Variants in MYOCD observed in about 807,000 individuals in gnomAD.
MYOCD encodes myocardin.
In MYOCD, 32 loss-of-function variants were observed where a neutral mutation model predicts 96.1. That is an observed-to-expected ratio of 0.33 (90% CI 0.25 to 0.45). The LOEUF is 0.45. Among genes scored for constraint, MYOCD ranks in the 20% least tolerant of loss-of-function variants. The pLI, the probability that MYOCD is intolerant of heterozygous loss-of-function variation, is 1.00. For missense variants in MYOCD, 1,133 were observed against 1,200.6 expected (o/e 0.94, Z 0.83); for synonymous variants, 469 against 469.0 (o/e 1.00, Z 0.00).
At chr17:12,680,247 A>T (rs1361301050) in intron 1 of MYOCD, among the ~76,000 whole-genome samples, 1 of 152,198 alleles carries the variant, frequency 6.6e-6, no homozygotes, top group Non-Finnish European at 1.5e-5. Flanking sequence ...TACTTAGTGG[A>T]TGCCCACGGT....
rs1164326786 is a variant in MYOCD, at chr17:12,764,798, CT to C, written c.*1155del. On this transcript the variant is annotated 3_prime_UTR_variant, in exon 14 of 14. Coordinates refer to ENST00000425538, the MANE Select transcript of MYOCD (RefSeq NM_001146312.3). ...TTCTCAGTTCTAACAAGCTGCCATA[CT>C]CCTAAGAAAGCCATTTTTGAAAAAT... 6.6e-6 allele frequency: 1 copy of C among 152,208 alleles called. No homozygotes were observed. The highest frequency in any genetic ancestry group is 2.4e-5 in the African/African-American group (1 of 41,458). 9.4% of individuals were successfully genotyped at this position (152,208 alleles called of 1,614,324 possible).
intron 1 of MYOCD, among the ~76,000 whole-genome samples, chr17:12,698,186 T>C (rs1366165232): frequency 4.6e-5 from 7 of 152,178 alleles, no homozygotes; most frequent in African/African-American, 1.7e-4. Flanking sequence ...GCGTAACATG[T>C]ATTGCAAGGA....
At chr17:12,757,720 C>T (rs2033052804) in intron 11 of MYOCD, among the ~76,000 whole-genome samples, 1 of 152,112 alleles carries the variant, frequency 6.6e-6, no homozygotes, top group African/African-American at 2.4e-5. Flanking sequence ...TCTCGAACTC[C>T]TGACCTCAGG....
chr17:12,689,043 T>G (rs1343205321), intron 1 of MYOCD, among the ~76,000 whole-genome samples: 1 of 152,204 alleles, frequency 6.6e-6, no homozygotes, highest in Admixed American at 6.5e-5. Flanking sequence ...AAACTTTGTT[T>G]TCCTATTCCC....
intron 1 of MYOCD, among the ~76,000 whole-genome samples, chr17:12,669,016 A>C (rs997427612): frequency 1.3e-5 from 2 of 152,190 alleles, no homozygotes; most frequent in African/African-American, 4.8e-5. Context: ...ATAAAGATTG[A>C]CTGGGAACAA....
At chr17:12,700,465 G>C (rs1023223440) in intron 1 of MYOCD, among the ~76,000 whole-genome samples, 61 of 129,358 alleles carry the variant, frequency 4.7e-4, no homozygotes, top group African/African-American at 1.8e-3. Flanking sequence ...GACTGCTGGA[G>C]TGCAGTGGCG....
intron 1 of MYOCD, among the ~76,000 whole-genome samples, chr17:12,671,333 G>A (rs534201812): frequency 1.2e-4 from 19 of 152,270 alleles, no homozygotes; most frequent in Non-Finnish European, 2.6e-4. Flanking sequence ...TTAGATGTGC[G>A]TTTGTGTGTA....
intron 1 of MYOCD, among the ~76,000 whole-genome samples, chr17:12,677,548 T>C (rs1218664594): frequency 6.6e-6 from 1 of 151,760 alleles, no homozygotes. Flanking sequence ...CCATCTCTAC[T>C]AAAAATACAA....
intron 3 of MYOCD, among the ~76,000 whole-genome samples, chr17:12,716,599 C>T (rs11654418): frequency 0.49 from 74,830 of 151,934 alleles, 20,789 homozygotes; most frequent in Non-Finnish European, 0.63. Context: ...AAGCGAATAA[C>T]GGGAAAGAGG....
chr17:12,752,940 A>C lies in MYOCD; in HGVS notation c.1652A>C (p.Lys551Thr). ...QVEELRMQLQ[K>T]QKRNNCSEKK... ...GAGGAGCTGAGGATGCAGCTTCAGA[A>C]GCAGAAAAGGAATAACTGTTCAGAG... The change falls in exon 10 of 14, where the codon AAG becomes ACG. Residue 551 changes from lysine (K) to threonine (T), a missense_variant. Transcript: ENST00000425538. The C allele has an allele frequency of 1.2e-6, 2 of 1,614,180 alleles. No individual in the cohort carries two copies. Among genetic ancestry groups the C allele is most frequent in the Middle Eastern group, 3.3e-4 (2 of 6,060 alleles).
chr17:12,669,625 T>G (rs1235980538), intron 1 of MYOCD, among the ~76,000 whole-genome samples: 1 of 149,560 alleles, frequency 6.7e-6, no homozygotes, highest in African/African-American at 2.5e-5. Flanking sequence ...TTTTTTGTTG[T>G]TTTTTTTTTC....
intron 5 of MYOCD, among the ~76,000 whole-genome samples, chr17:12,733,793 G>A (rs763667264): frequency 1.1e-4 from 17 of 151,760 alleles, no homozygotes; most frequent in African/African-American, 3.2e-4. Context: ...CTTAAACCTC[G>A]GAGGGGGAGT....
intron 12 of MYOCD, 125 bp from the exon 13 acceptor site, chr17:12,760,525 A>G: frequency 1.4e-6 from 1 of 740,508 alleles, no homozygotes. Context: ...GTATTTTGCC[A>G]CAATTGGAAA....
In MYOCD at chr17:12,736,320, C is replaced by T. The variant is rs747021728; in HGVS notation, c.575C>T (p.Ser192Phe). ...GCCTCAGATACCCCTTCGACAGGTTCTCTGGGGACAAACCAGGTAAAAAAC... is the reference window on the plus strand; with the variant it reads ...GCCTCAGATACCCCTTCGACAGGTTTTCTGGGGACAAACCAGGTAAAAAAC... The part of the protein sequence containing the change: ...AKASDTPSTG[S>F]LGTNQDLASG... Residue 192 changes from serine to phenylalanine, a missense_variant, in exon 6 of 14, where the codon TCT becomes TTT. Ser to Phe is a radical substitution (Grantham distance 155, BLOSUM62 -2). Transcript: ENST00000425538. 2 of 1,613,374 alleles carry T rather than the reference C, an allele frequency of 1.2e-6. No individual in the cohort carries two copies. Among genetic ancestry groups the T allele is most frequent in the African/African-American group, 1.3e-5 (1 of 74,890 alleles).
intron 1 of MYOCD, chr17:12,672,311 T>C (rs1909751191): frequency 6.6e-6 from 1 of 152,222 alleles, no homozygotes; most frequent in Non-Finnish European, 1.5e-5. Context: ...AAGTTTTCGA[T>C]GAACACAAAT....
intron 1 of MYOCD, among the ~76,000 whole-genome samples, chr17:12,678,749 G>T (rs1301310949): frequency 2.0e-5 from 3 of 152,078 alleles, no homozygotes; most frequent in African/African-American, 7.2e-5. Flanking sequence ...AGGCTGGAGT[G>T]CAGTGGCGCG....
intron 5 of MYOCD, among the ~76,000 whole-genome samples, chr17:12,723,987 A>C (rs895408896): frequency 1.3e-5 from 2 of 152,190 alleles, no homozygotes; most frequent in African/African-American, 4.8e-5. Context: ...GTAAATATGA[A>C]AATATCAACT....
Position 12,752,607 on chromosome 17 carries a change from G to A in MYOCD, c.1319G>A (p.Ser440Asn), listed in dbSNP as rs1232794148. 1 of 1,614,074 alleles carries A rather than the reference G, an allele frequency of 6.2e-7. No individual in the cohort carries two copies. The highest frequency in any genetic ancestry group is 1.1e-5 in the South Asian group (1 of 91,072). Residue 440 changes from serine to asparagine, a missense_variant, in exon 10 of 14, where the codon AGT (serine) becomes AAT (asparagine). Ser to Asn is a conservative substitution (Grantham distance 46). Transcript: ENST00000425538. ...AATTACCAGTCTTCCTCTTCTACCA[G>A]TGCCCTGTCCAACGGCTTCTACCAC... ...LPNYQSSSST[S>N]ALSNGFYHFG...
At chr17:12,676,257 A>G (rs752081345) in intron 1 of MYOCD, among the ~76,000 whole-genome samples, 2,815 of 115,510 alleles carry the variant, frequency 0.024, 32 homozygotes, top group Middle Eastern at 0.045. Flanking sequence ...ACACACACAC[A>G]CACACACACA....
Sources: allele counts gnomAD v4.1 joint callset (sites outside exome capture counted in the v4.1 genomes callset), GRCh38; gene constraint gnomAD v4.1.1; transcripts MANE v1.5; gene names NCBI Gene and HGNC (gene_info 2026-07-23, HGNC 2026-07-21).